Variants in RB1 observed in about 807,000 individuals in gnomAD.
The protein encoded by RB1 is retinoblastoma-associated protein.
Under a neutral mutation model 135.4 loss-of-function variants are expected in RB1, and 18 were observed. The observed-to-expected ratio is 0.13, with a 90% CI of 0.09 to 0.20. RB1 has a LOEUF of 0.20. Among genes scored for constraint, RB1 ranks in the 10% least tolerant of loss-of-function variants. The pLI is 1.00. For synonymous variants in RB1, 365 were observed against 373.2 expected (o/e 0.98, Z 0.25); for missense variants, 868 against 1,110.0 (o/e 0.78, Z 3.10).
chr13:48,380,204 G>T lies in RB1; in HGVS notation c.1461G>T (p.Leu487Phe), dbSNP rs1948523038. Residue 487 changes from leucine to phenylalanine, a missense_variant, in exon 16 of 27, where the codon TTG becomes TTT. Around this residue, in one of 3 missense-constraint regions of RB1, gnomAD observed 641 missense variants for 791.3 expected, o/e 0.81. Coordinates refer to ENST00000267163, the MANE Select transcript of RB1 (RefSeq NM_000321.3). The part of the protein sequence containing the change: ...LNDNIFHMSL[L>F]ACALEVVMAT... ...ACAACATTTTTCATATGTCTTTATT[G>T]GCGTGCGCTCTTGAGGTTGTAATGG... is the stretch of plus-strand genomic sequence containing the variant. 6.2e-7 allele frequency: 1 copy of T among 1,601,242 alleles called. No individual in the cohort carries two copies. Among genetic ancestry groups the T allele is most frequent in the Non-Finnish European group, 8.5e-7 (1 of 1,174,164 alleles).
intron 12 of RB1, among the ~76,000 whole-genome samples, chr13:48,375,130 G>A (rs1952807876): frequency 1.3e-5 from 2 of 152,108 alleles, no homozygotes; most frequent in Admixed American, 6.6e-5. Flanking sequence ...GGGCACCTAG[G>A]TTGATTCCAT....
At chr13:48,397,068 A>G (rs553235220) in intron 17 of RB1, among the ~76,000 whole-genome samples, 147 of 152,182 alleles carry the variant, frequency 9.7e-4, no homozygotes, top group African/African-American at 3.2e-3. Context: ...TAGTTCAACC[A>G]TTGTGGAAGA....
intron 17 of RB1, 21 bp downstream of exon 17, chr13:48,381,464 A>C (rs1465236415): frequency 6.2e-7 from 1 of 1,609,828 alleles, no homozygotes; most frequent in East Asian, 2.2e-5. Flanking sequence ...AAATAATTGA[A>C]GAAATTCATT....
chr13:48,358,843 TGA>T (rs1315037736), intron 6 of RB1, among the ~76,000 whole-genome samples: 1 of 152,114 alleles, frequency 6.6e-6, no homozygotes, highest in Non-Finnish European at 1.5e-5. Context: ...AGAATGTACT[TGA>T]GAGAGATTCT....
chr13:48,386,705 T>C (rs1439541523), intron 17 of RB1, among the ~76,000 whole-genome samples: 1 of 152,220 alleles, frequency 6.6e-6, no homozygotes, highest in East Asian at 1.9e-4. Flanking sequence ...GAAACTTGTA[T>C]CCACCACTGA....
intron 7 of RB1, among the ~76,000 whole-genome samples, chr13:48,360,992 A>C (rs1291352357): frequency 6.6e-6 from 1 of 152,176 alleles, no homozygotes; most frequent in Admixed American, 6.5e-5. Flanking sequence ...GGAAAAATTA[A>C]GTATGGAGCA....
intron 17 of RB1, among the ~76,000 whole-genome samples, chr13:48,405,649 A>G (rs1170496139): frequency 6.6e-6 from 1 of 152,226 alleles, no homozygotes; most frequent in Non-Finnish European, 1.5e-5. Flanking sequence ...GAAAATATTT[A>G]CTATCTACTC....
At chr13:48,404,850 G>A in intron 17 of RB1, among the ~76,000 whole-genome samples, 1 of 151,988 alleles carries the variant, frequency 6.6e-6, no homozygotes, top group East Asian at 1.9e-4. Context: ...TAAAGATAAT[G>A]AGAAAATTAT....
At chr13:48,337,747 G>T (rs543482964) in intron 2 of RB1, among the ~76,000 whole-genome samples, 1 of 152,100 alleles carries the variant, frequency 6.6e-6, no homozygotes. Context: ...GATTTTGCTC[G>T]TTAGTTGATG....
Position 48,422,209 on chromosome 13 carries a change from C to A in RB1, c.1696-30784C>A, listed in dbSNP as rs144215368. ...GCCATGAACAAGGATGAGTTCATGT[C>A]CTTTGCAGGGACATGGATGAAGCTG... On this transcript the variant is annotated intron_variant, in intron 17 of 26. Transcript: ENST00000267163. Among the ~76,000 whole-genome samples, 844 of 152,188 alleles carry A rather than the reference C, an allele frequency of 5.5e-3. 5 individuals are homozygous for A. The highest frequency in any genetic ancestry group is 0.01 in the Middle Eastern group (3 of 294).
At chr13:48,413,199 AG>A (rs1948848130) in intron 17 of RB1, 2 of 167,310 alleles carry the variant, frequency 1.2e-5, no homozygotes, top group South Asian at 4.1e-4. Context: ...CTTTCAGCCC[AG>A]TTTGTTTGCA....
intron 17 of RB1, among the ~76,000 whole-genome samples, chr13:48,448,299 T>A (rs1425404680): frequency 6.6e-6 from 1 of 152,188 alleles, no homozygotes; most frequent in Non-Finnish European, 1.5e-5. Context: ...ACAAAAATTA[T>A]ATGATTGGAG....
At chr13:48,338,517 T>C (rs1427720459) in intron 2 of RB1, among the ~76,000 whole-genome samples, 1 of 152,220 alleles carries the variant, frequency 6.6e-6, no homozygotes, top group Non-Finnish European at 1.5e-5. Flanking sequence ...CGTGCCATGG[T>C]TTTCAGCTCC....
chr13:48,373,340 A>AT, intron 11 of RB1, 65 bp from the exon 12 acceptor site: 1 of 980,850 alleles, frequency 1.0e-6, no homozygotes, highest in South Asian at 1.4e-5. Flanking sequence ...GATGGAAAAC[A>AT]TTTCATTTTT....
chr13:48,406,215 G>C (rs1198442282), intron 17 of RB1, among the ~76,000 whole-genome samples: 1 of 152,058 alleles, frequency 6.6e-6, no homozygotes, highest in Non-Finnish European at 1.5e-5. Flanking sequence ...GTGTGTGTAT[G>C]TGTGTGTTAG....
At chr13:48,379,095 A>G (rs1310684540) in intron 13 of RB1, among the ~76,000 whole-genome samples, 5 of 152,202 alleles carry the variant, frequency 3.3e-5, no homozygotes, top group African/African-American at 9.7e-5. Context: ...TTAATCCTGG[A>G]CAGCTATCTT....
At chr13:48,412,712 A>G in intron 17 of RB1, 1 of 461,948 alleles carries the variant, frequency 2.2e-6, no homozygotes, top group Non-Finnish European at 4.1e-6. Context: ...TTTAAAAAAT[A>G]CAGTCAACGA....
At chr13:48,318,874 G>T in intron 2 of RB1, 1 of 1,139,754 alleles carries the variant, frequency 8.8e-7, no homozygotes, top group Non-Finnish European at 1.3e-6. Context: ...AAAACGTCTG[G>T]ATTTCCTGAT....
At chr13:48,318,467 G>T (rs1593421103) in intron 2 of RB1, 3 of 1,340,378 alleles carry the variant, frequency 2.2e-6, no homozygotes, top group Non-Finnish European at 3.1e-6. Context: ...TCTCGTCCAG[G>T]TGCCTCACCT....
Sources: allele counts gnomAD v4.1 joint callset (sites outside exome capture counted in the v4.1 genomes callset), GRCh38; gene constraint gnomAD v4.1.1; regional missense constraint gnomAD v4.1.1; transcripts MANE v1.5; gene names NCBI Gene and HGNC (gene_info 2026-07-23, HGNC 2026-07-21).